C1QTNF6: variants seen among roughly 807,000 people sequenced by gnomAD.
C1QTNF6 encodes the protein C1q and TNF related 6.
In C1QTNF6, 17 loss-of-function variants were observed where a neutral mutation model predicts 20.7. The observed-to-expected ratio is 0.82, with a 90% confidence interval of 0.56 to 1.23. The LOEUF is 1.23. Ranked by LOEUF, C1QTNF6 falls within the 50% of genes most tolerant of loss-of-function variation. C1QTNF6 has a pLI of 0.00. For missense variants in C1QTNF6, 329 were observed against 389.7 expected (o/e 0.84, Z 1.31); for synonymous variants, 130 against 156.3 (o/e 0.83, Z 1.25).
Position 37,185,405 on chromosome 22 carries a change from G to C in C1QTNF6, c.102C>G (p.Leu34=). 1 of 1,612,818 alleles carries C rather than the reference G, an allele frequency of 6.2e-7. No individual in the cohort carries two copies. Among genetic ancestry groups the C allele is most frequent in the Non-Finnish European group, 8.5e-7 (1 of 1,179,460 alleles). The change falls in exon 2 of 3, where the codon CTC becomes CTG. Residue 34 remains leucine, a synonymous_variant. Coordinates refer to ENST00000337843, the MANE Select transcript of C1QTNF6 (RefSeq NM_031910.4). ...TAGGGATCTCACACATCAGGAGAAA[G>C]AGCAGGAGCGCTGCCCAGACGGGAC... ...ALGPVWAALL[L]FLLMCEIPMV...
At position 37,184,550 on chromosome 22, in the gene C1QTNF6, G is replaced by GGATA; in HGVS notation, c.289+667_289+668insTATC. The GGATA allele has an allele frequency of 1.5e-6, 1 of 648,022 alleles. No individual in the cohort carries two copies. Among genetic ancestry groups the GGATA allele is most frequent in the East Asian group, 2.8e-5 (1 of 35,204 alleles). 40.1% of individuals were successfully genotyped at this position (648,022 alleles called of 1,614,324 possible). A position where few individuals can be genotyped will look rare whatever the true frequency, so the allele number is the denominator to read the frequency against. ...TCACCTGGACAGCCCTCACCTGGATGGCCCTCACCTGGACAGGCCCCACAG... is the reference window on the plus strand; with the variant it reads ...TCACCTGGACAGCCCTCACCTGGATGGATAGCCCTCACCTGGACAGGCCCCACAG... On this transcript the variant is annotated intron_variant, in intron 2 of 2. Transcript: ENST00000337843. The surrounding 1 kb of genome is among the most constrained non-coding windows in gnomAD (Gnocchi z 4.0).
chr22:37,198,562 GCT>G (rs1475178982), upstream of C1QTNF6, among the ~76,000 whole-genome samples: 3 of 152,234 alleles, frequency 2.0e-5, no homozygotes, highest in African/African-American at 7.2e-5. Flanking sequence ...CGCTATGTAG[GCT>G]CTGAGTGGCA....
rs1317813238 is a variant in C1QTNF6, at chr22:37,185,208, G to A, written c.289+10C>T. 1 of 1,540,860 alleles carries A rather than the reference G, an allele frequency of 6.5e-7. No individual in the cohort carries two copies. The highest frequency in any genetic ancestry group is 8.8e-7 in the Non-Finnish European group (1 of 1,138,840). ...CTGCCCACTACCAGGCCCCACAGGA[G>A]GGCACTCACCCTTCAGGATGGTGAT... On this transcript the variant is annotated intron_variant, in intron 2 of 2. Transcript: ENST00000337843.
At chr22:37,183,792 A>C (rs775814576) in intron 2 of C1QTNF6, among the ~76,000 whole-genome samples, 48 of 152,340 alleles carry the variant, frequency 3.2e-4, no homozygotes, top group Non-Finnish European at 6.0e-4. Flanking sequence ...GACCTTGTGC[A>C]GGAAGTTTGT....
intron 2 of C1QTNF6, among the ~76,000 whole-genome samples, chr22:37,183,395 C>G (rs1923976029): frequency 6.6e-6 from 1 of 152,378 alleles, no homozygotes; most frequent in South Asian, 2.1e-4. Flanking sequence ...AGAGGCAGAA[C>G]AGTTCACCCA....
chr22:37,188,509 C>G, upstream of C1QTNF6: 1 of 314,238 alleles, frequency 3.2e-6, no homozygotes, highest in Non-Finnish European at 5.8e-6. Context: ...AGTCTGAGGC[C>G]CCCTGATGAT....
chr22:37,184,534 C>T lies in C1QTNF6; in HGVS notation c.289+684G>A, dbSNP rs188980847. ...CTCACCTGGACAGCCCTCACCTGGA[C>T]AGCCCTCACCTGGATGGCCCTCACC... On this transcript the variant is annotated intron_variant, in intron 2 of 2. Transcript: ENST00000337843. This position sits in a 1 kb window ranked among gnomAD's most constrained non-coding sequence, Gnocchi z 4.0. 1 of 705,494 alleles carries T rather than the reference C, an allele frequency of 1.4e-6. No individual in the cohort carries two copies. The highest frequency in any genetic ancestry group is 2.6e-6 in the Non-Finnish European group (1 of 380,282). The allele number at this position is 705,494 out of a possible 1,614,324, so 43.7% of individuals were successfully genotyped here. A position where few individuals can be genotyped will look rare whatever the true frequency, so the allele number is the denominator to read the frequency against.
chr22:37,182,031 G>A lies in C1QTNF6; in HGVS notation c.*157C>T. 2 of 742,462 alleles carry A rather than the reference G, an allele frequency of 2.7e-6. No individual in the cohort carries two copies. The highest frequency in any genetic ancestry group is 2.7e-5 in the East Asian group (1 of 36,744). The allele number at this position is 742,462 out of a possible 1,614,324, so 46.0% of individuals were successfully genotyped here. ...AGAGAGGAGCAGAAATAGGCTGGGA[G>A]GGATGATGGCAGCCAAGATAGAAGC... is the stretch of plus-strand genomic sequence containing the variant. On this transcript the variant is annotated 3_prime_UTR_variant, in exon 3 of 3. Coordinates refer to ENST00000337843, the MANE Select transcript of C1QTNF6 (RefSeq NM_031910.4).
At position 37,180,384 on chromosome 22, in the gene C1QTNF6, T is replaced by C. The variant is rs1923652307; in HGVS notation, c.*1804A>G. On this transcript the variant is annotated 3_prime_UTR_variant, in exon 3 of 3. Transcript: ENST00000337843. ...GCCCCAGAGTCTGCATGAGCACCAA[T>C]GGGCGGAGGCCGCCTCCCTCTGGGG... is the stretch of plus-strand genomic sequence containing the variant. The C allele has an allele frequency of 6.6e-6, 1 of 152,670 alleles. No individual in the cohort carries two copies. Among genetic ancestry groups the C allele is most frequent in the Non-Finnish European group, 1.5e-5 (1 of 68,070 alleles). The allele number at this position is 152,670 out of a possible 1,614,324, so 9.5% of individuals were successfully genotyped here. A position where few individuals can be genotyped will look rare whatever the true frequency, so the allele number is the denominator to read the frequency against.
upstream of C1QTNF6, chr22:37,190,877 T>TA (rs1372937635): frequency 2.0e-5 from 3 of 152,216 alleles, no homozygotes; most frequent in Non-Finnish European, 2.9e-5. Context: ...GAGCGTACTT[T>TA]ACTCAATTGT....
At chr22:37,186,177 C>T in intron 1 of C1QTNF6, 1 of 976,214 alleles carries the variant, frequency 1.0e-6, no homozygotes, top group Non-Finnish European at 1.2e-6. Context: ...AATACTGGGT[C>T]CTTGACTGCA....
chr22:37,188,708 G>A (rs752822962), upstream of C1QTNF6, among the ~76,000 whole-genome samples: 3 of 152,242 alleles, frequency 2.0e-5, no homozygotes, highest in Non-Finnish European at 4.4e-5. Context: ...TACCACAGTC[G>A]CGTCGCCTCT....
At chr22:37,186,536 G>C (rs1569066503) in intron 1 of C1QTNF6, among the ~76,000 whole-genome samples, 1 of 152,238 alleles carries the variant, frequency 6.6e-6, no homozygotes, top group East Asian at 1.9e-4. Context: ...TCAGAAAAGT[G>C]TAAGTGTTGG....
At chr22:37,198,906 G>A (rs1440949971), upstream of C1QTNF6, among the ~76,000 whole-genome samples, 2 of 152,078 alleles carry the variant, frequency 1.3e-5, no homozygotes, top group African/African-American at 4.8e-5. Flanking sequence ...GGAAAGTTTC[G>A]CTCTCCGGAA....
At position 37,180,189 on chromosome 22, in the gene C1QTNF6, A is replaced by C. The variant is rs1923632199; in HGVS notation, c.*1999T>G. The C allele has an allele frequency of 6.5e-6, 1 of 152,850 alleles. No homozygotes were observed. Among genetic ancestry groups the C allele is most frequent in the Non-Finnish European group, 1.5e-5 (1 of 68,206 alleles). 9.5% of individuals were successfully genotyped at this position (152,850 alleles called of 1,614,324 possible). A position where few individuals can be genotyped will look rare whatever the true frequency, so the allele number is the denominator to read the frequency against. ...TCGCCAAGAGGAGACAGCATTCTTTAATCATGCTGGACGGCAGGGCGTGGC... is the reference window on the plus strand; with the variant it reads ...TCGCCAAGAGGAGACAGCATTCTTTCATCATGCTGGACGGCAGGGCGTGGC... On this transcript the variant is annotated 3_prime_UTR_variant, in exon 3 of 3. Transcript: ENST00000337843.
At position 37,182,168 on chromosome 22, in the gene C1QTNF6, G is replaced by A. The variant is rs1329250088; in HGVS notation, c.*20C>T. 1.9e-6 allele frequency: 3 copies of A among 1,594,164 alleles called. No individual in the cohort carries two copies. The African/African-American group carries it at 4.0e-5, about 21-fold the overall frequency. Reference sequence around the variant, plus strand: ...GACCAGCACCTGAGCTCTCCAGCCGGGAGGGTGGCCCAGAGGCCCTCAGTC... The same window carrying A: ...GACCAGCACCTGAGCTCTCCAGCCGAGAGGGTGGCCCAGAGGCCCTCAGTC... On this transcript the variant is annotated 3_prime_UTR_variant, in exon 3 of 3. Transcript: ENST00000337843.
chr22:37,183,483 G>A (rs770097936), intron 2 of C1QTNF6, among the ~76,000 whole-genome samples: 16 of 152,328 alleles, frequency 1.1e-4, no homozygotes, highest in Non-Finnish European at 2.2e-4. Flanking sequence ...AGCCCTGCCC[G>A]GCCCTTAGTC....
chr22:37,196,475 T>C (rs549489760), intron 1 of C1QTNF6: 2 of 152,304 alleles, frequency 1.3e-5, no homozygotes, highest in Non-Finnish European at 2.9e-5. Flanking sequence ...CTACATTTGT[T>C]GAAGACTTAC....
Position 37,184,683 on chromosome 22 carries a change from C to T in C1QTNF6, c.289+535G>A, listed in dbSNP as rs1413981306. Among the ~76,000 whole-genome samples the T allele has an allele frequency of 1.3e-5, 2 of 152,124 alleles. No individual in the cohort carries two copies. The highest frequency in any genetic ancestry group is 1.5e-5 in the Non-Finnish European group (1 of 68,012). ...AAGTCCCTGTCCCACCCAAACCTGC[C>T]CCTGTTCCCACTCCACTCAGCGGAG... is the stretch of plus-strand genomic sequence containing the variant. On this transcript the variant is annotated intron_variant, in intron 2 of 2. Transcript: ENST00000337843. The surrounding 1 kb of genome is among the most constrained non-coding windows in gnomAD (Gnocchi z 4.0).
Sources: allele counts gnomAD v4.1 joint callset (sites outside exome capture counted in the v4.1 genomes callset), GRCh38; gene constraint gnomAD v4.1.1; non-coding constraint Gnocchi (gnomAD v3.1); transcripts MANE v1.5; gene names NCBI Gene and HGNC (gene_info 2026-07-23, HGNC 2026-07-21).